The following NFATC2 variants were observed in gnomAD, a reference collection of about 807,000 sequenced individuals.
NFATC2 encodes nuclear factor of activated T cells 2.
Under a neutral mutation model 87.3 loss-of-function variants are expected in NFATC2, and 22 were observed. The ratio of observed to expected loss-of-function variants is 0.25; its 90% CI spans 0.18 to 0.36. The LOEUF (loss-of-function observed/expected upper bound fraction) is 0.36, where lower values mean the gene tolerates loss of function less well. NFATC2 is among the 10% of genes least tolerant of loss of function. NFATC2 has a pLI of 1.00. For synonymous variants in NFATC2, 565 were observed against 542.2 expected, an observed-to-expected ratio of 1.04 and a Z score of -0.58; for missense variants, 1,149 against 1,259.1, an observed-to-expected ratio of 0.91 and a Z score of 1.32.
intron 1 of NFATC2, among the ~76,000 whole-genome samples, chr20:51,526,487 T>C (rs1279149541): frequency 6.6e-6 from 1 of 152,212 alleles, no homozygotes; most frequent in African/African-American, 2.4e-5. Flanking sequence ...CCCGTGTCAC[T>C]GTGGCCCAGC....
chr20:51,539,285 T>C (rs1009885973), intron 1 of NFATC2, among the ~76,000 whole-genome samples: 16 of 152,226 alleles, frequency 1.1e-4, no homozygotes, highest in African/African-American at 3.4e-4. Flanking sequence ...GATAGAACTT[T>C]ACATGCGTCA....
At chr20:51,396,377 C>CTTCAGGTGCAATTTAAA (rs1207320707) in intron 10 of NFATC2, among the ~76,000 whole-genome samples, 1 of 152,040 alleles carries the variant, frequency 6.6e-6, no homozygotes, top group Non-Finnish European at 1.5e-5. Flanking sequence ...GGTATTAATA[C>CTTCAGGTGCAATTTAAA]TTCAGGTGCA....
intron 5 of NFATC2, among the ~76,000 whole-genome samples, chr20:51,469,433 T>C (rs1987996511): frequency 6.6e-6 from 1 of 152,088 alleles, no homozygotes; most frequent in Non-Finnish European, 1.5e-5. Context: ...AAGATCCCAA[T>C]GCATTTGGGA....
At chr20:51,543,073 G>C (rs2076852134), upstream of NFATC2, among the ~76,000 whole-genome samples, 2 of 152,154 alleles carry the variant, frequency 1.3e-5, no homozygotes, top group African/African-American at 4.8e-5. Flanking sequence ...GGGGTGGAAG[G>C]GGGTATCCAC....
At chr20:51,541,809 C>T (rs1277131200) in intron 1 of NFATC2, among the ~76,000 whole-genome samples, 1 of 152,166 alleles carries the variant, frequency 6.6e-6, no homozygotes, top group Non-Finnish European at 1.5e-5. Flanking sequence ...CAACCTCTTC[C>T]TCAGTTTCAA....
chr20:51,510,475 G>A (rs541341684), intron 3 of NFATC2, among the ~76,000 whole-genome samples: 65 of 152,356 alleles, frequency 4.3e-4, no homozygotes, highest in African/African-American at 1.5e-3. Flanking sequence ...CACCAAAAGC[G>A]TGTGGCTCTT....
chr20:51,555,817 A>G (rs993858875), intron 1 of NFATC2, among the ~76,000 whole-genome samples: 4 of 152,114 alleles, frequency 2.6e-5, no homozygotes, highest in African/African-American at 9.7e-5. Context: ...GTCAACCAAA[A>G]AAAGATATTG....
intron 1 of NFATC2, among the ~76,000 whole-genome samples, chr20:51,555,470 G>A (rs1383397948): frequency 6.6e-6 from 1 of 152,080 alleles, no homozygotes; most frequent in African/African-American, 2.4e-5. Flanking sequence ...GCGGGCGCCT[G>A]TAGTCCCAGC....
intron 3 of NFATC2, among the ~76,000 whole-genome samples, chr20:51,500,531 G>A (rs62229844): frequency 0.053 from 8,057 of 151,586 alleles, 255 homozygotes; most frequent in South Asian, 0.07. Context: ...CTACCCACTC[G>A]TTTTAGGGCA....
At chr20:51,429,743 C>CA (rs1982414492) in intron 9 of NFATC2, among the ~76,000 whole-genome samples, 2 of 152,164 alleles carry the variant, frequency 1.3e-5, no homozygotes, top group Admixed American at 6.5e-5. Context: ...AAAGCAAAAA[C>CA]AAAAAACTTG....
upstream of NFATC2, among the ~76,000 whole-genome samples, chr20:51,544,917 G>C (rs1224549540): frequency 1.3e-5 from 2 of 152,188 alleles, no homozygotes; most frequent in East Asian, 3.8e-4. Context: ...AGCACCTCCT[G>C]GTTGTCAGAG....
At chr20:51,421,499 A>T (rs1200443777) in intron 9 of NFATC2, among the ~76,000 whole-genome samples, 4 of 152,228 alleles carry the variant, frequency 2.6e-5, no homozygotes, top group Non-Finnish European at 5.9e-5. Context: ...ACAACAAAAC[A>T]AGTGTGAAGA....
At chr20:51,460,502 T>TA (rs1987023887) in intron 5 of NFATC2, among the ~76,000 whole-genome samples, 1 of 152,098 alleles carries the variant, frequency 6.6e-6, no homozygotes, top group Non-Finnish European at 1.5e-5. Context: ...TGAGAGGCTG[T>TA]ATGTGCCAGC....
intron 1 of NFATC2, among the ~76,000 whole-genome samples, chr20:51,539,764 G>A (rs1197226884): frequency 6.6e-6 from 1 of 152,126 alleles, no homozygotes; most frequent in East Asian, 1.9e-4. Flanking sequence ...TTCCCAAATT[G>A]TTGGGATTGC....
intron 9 of NFATC2, among the ~76,000 whole-genome samples, chr20:51,431,487 G>T (rs112757731): frequency 6.6e-6 from 1 of 152,128 alleles, no homozygotes; most frequent in Admixed American, 6.5e-5. Context: ...TCACCACAGC[G>T]GAAGCCCACT....
rs1171534169 is a variant in NFATC2, at chr20:51,419,418, G to A, written c.2722+12649C>T. ...GGGTTACGCCCTTAAAGGAAAGGGC[G>A]TGCCCTCCTTCCTCTTTTTTCCCAT... On this transcript the variant is annotated intron_variant, in intron 9 of 10. Coordinates refer to ENST00000371564, the MANE Select transcript of NFATC2 (RefSeq NM_012340.5). Among the ~76,000 whole-genome samples the A allele has an allele frequency of 5.9e-5, 9 of 152,286 alleles. No homozygotes were observed. In the South Asian group the frequency reaches 8.3e-4, roughly 14 times the overall value.
At chr20:51,444,274 G>A (rs1409690066) in intron 6 of NFATC2, among the ~76,000 whole-genome samples, 1 of 151,884 alleles carries the variant, frequency 6.6e-6, no homozygotes, top group African/African-American at 2.4e-5. Flanking sequence ...GAGCCACCAC[G>A]CCCACCTGAC....
chr20:51,425,342 G>A (rs1276688750), intron 9 of NFATC2, among the ~76,000 whole-genome samples: 1 of 152,236 alleles, frequency 6.6e-6, no homozygotes. Flanking sequence ...GGCCATGTGA[G>A]TTAAACCTGC....
In NFATC2 at chr20:51,427,319, C is replaced by T. The variant is rs73912733; in HGVS notation, c.2722+4748G>A. On this transcript the variant is annotated intron_variant, in intron 9 of 10. Coordinates refer to ENST00000371564, the MANE Select transcript of NFATC2 (RefSeq NM_012340.5). ...ACCTCTGAGTCCACTTTCCCCAGCG[C>T]CTCTCCCGCTTGCTTGCGTCCTGAG... Among the ~76,000 whole-genome samples the T allele has an allele frequency of 7.3e-3, 1,113 of 152,284 alleles. 19 individuals are homozygous for T. The highest frequency in any genetic ancestry group is 0.026 in the African/African-American group (1,061 of 41,540).
Sources: allele counts gnomAD v4.1 joint callset (sites outside exome capture counted in the v4.1 genomes callset), GRCh38; gene constraint gnomAD v4.1.1; transcripts MANE v1.5; gene names NCBI Gene and HGNC (gene_info 2026-07-23, HGNC 2026-07-21).